The following NPLOC4 variants were observed in gnomAD, a reference collection of about 807,000 sequenced individuals.
The protein encoded by NPLOC4 is nuclear protein localization protein 4 homolog.
NPLOC4 carries 18 observed loss-of-function variants against 80.6 expected under a neutral mutation model. That is an observed-to-expected ratio of 0.22 (90% CI 0.15 to 0.33). The LOEUF is 0.33. Among genes scored for constraint, NPLOC4 ranks in the 10% least tolerant of loss-of-function variants. The probability of loss-of-function intolerance (pLI) is 1.00; values close to 1 mark genes in which losing one functional copy is unlikely to be tolerated. For synonymous variants in NPLOC4, 313 were observed against 301.5 expected (o/e 1.04, Z -0.39); for missense variants, 540 against 786.1 (o/e 0.69, Z 3.74).
At chr17:81,559,632 G>C (rs1038741582) in intron 16 of NPLOC4, among the ~76,000 whole-genome samples, 1 of 152,118 alleles carries the variant, frequency 6.6e-6, no homozygotes, top group South Asian at 2.1e-4. Flanking sequence ...GAGTAACAGG[G>C]AGCCTGTGCT....
At chr17:81,604,004 T>C (rs2035134639) in intron 8 of NPLOC4, among the ~76,000 whole-genome samples, 1 of 151,992 alleles carries the variant, frequency 6.6e-6, no homozygotes, top group Admixed American at 6.6e-5. Context: ...GAGAGGGCCT[T>C]CCAATGACTT....
At position 81,580,205 on chromosome 17, in the gene NPLOC4, C is replaced by T. The variant is rs1349109576; in HGVS notation, c.1282-8117G>A. Among the ~76,000 whole-genome samples the T allele has an allele frequency of 2.0e-5, 3 of 152,212 alleles. No homozygotes were observed. The highest frequency in any genetic ancestry group is 4.1e-4 in the South Asian group (2 of 4,832). ...ACCCCAACACCATCTGTACCATGTG[C>T]CTCTCCCAAGCAATGCGCTCACCCC... is the stretch of plus-strand genomic sequence containing the variant. On this transcript the variant is annotated intron_variant, in intron 12 of 16. Transcript: ENST00000331134. This position sits in a 1 kb window ranked among gnomAD's most constrained non-coding sequence, Gnocchi z 4.4.
At chr17:81,602,896 CACATACATACATATATATGTATATAT>C (rs2035096189) in intron 8 of NPLOC4, among the ~76,000 whole-genome samples, 1 of 151,140 alleles carries the variant, frequency 6.6e-6, no homozygotes, top group South Asian at 2.1e-4. Context: ...TATGTATATA[CACATACATACATATATATGTATATAT>C]ACACACACAC....
intron 12 of NPLOC4, among the ~76,000 whole-genome samples, chr17:81,578,263 A>G (rs577358360): frequency 5.4e-4 from 82 of 152,296 alleles, no homozygotes; most frequent in African/African-American, 1.9e-3. Context: ...CTCCAGGTAC[A>G]TAGCTTCAGC....
intron 9 of NPLOC4, among the ~76,000 whole-genome samples, chr17:81,597,972 G>A (rs1206560544): frequency 6.6e-6 from 1 of 151,004 alleles, no homozygotes; most frequent in Non-Finnish European, 1.5e-5. Flanking sequence ...GCGGGTGCCT[G>A]TAGTCCCAGC....
At chr17:81,629,672 TAAGAG>T in intron 2 of NPLOC4, 48 bp downstream of exon 2, 1 of 1,283,430 alleles carries the variant, frequency 7.8e-7, no homozygotes, top group Non-Finnish European at 1.1e-6. Flanking sequence ...TCGATGGCAG[TAAGAG>T]TAGAGGATGA....
At chr17:81,634,833 T>C (rs1000237825) in intron 1 of NPLOC4, among the ~76,000 whole-genome samples, 2 of 151,908 alleles carry the variant, frequency 1.3e-5, no homozygotes, top group Non-Finnish European at 2.9e-5. Flanking sequence ...TCCGCCCACC[T>C]CGGCCTCCCA....
At chr17:81,619,541 ACT>A (rs1353909392) in intron 3 of NPLOC4, among the ~76,000 whole-genome samples, 1 of 134,878 alleles carries the variant, frequency 7.4e-6, no homozygotes, top group Non-Finnish European at 1.6e-5. Flanking sequence ...CAAGAATGAA[ACT>A]CTGTCTCAAG....
At chr17:81,563,736 G>C in intron 16 of NPLOC4, 1 of 349,086 alleles carries the variant, frequency 2.9e-6, no homozygotes, top group Non-Finnish European at 5.6e-6. Context: ...GCAACACAGT[G>C]AGACCTCATT....
intron 3 of NPLOC4, among the ~76,000 whole-genome samples, chr17:81,613,802 C>T (rs534901399): frequency 1.5e-4 from 23 of 152,198 alleles, no homozygotes; most frequent in African/African-American, 4.1e-4. Context: ...GGTTTCAGGG[C>T]CTCTCCTCCC....
At chr17:81,617,782 C>T (rs1437431117) in intron 3 of NPLOC4, among the ~76,000 whole-genome samples, 1 of 151,812 alleles carries the variant, frequency 6.6e-6, no homozygotes, top group Admixed American at 6.6e-5. Flanking sequence ...CCTCAGCCTG[C>T]CGAGTGCCTG....
chr17:81,573,167 TAAC>T (rs936154379), intron 12 of NPLOC4, among the ~76,000 whole-genome samples: 1 of 152,218 alleles, frequency 6.6e-6, no homozygotes, highest in African/African-American at 2.4e-5. Flanking sequence ...AATCATCACT[TAAC>T]ATTATATAAA....
In NPLOC4 at chr17:81,558,763, A is replaced by C. The variant is rs546323074; in HGVS notation, c.*496T>G. On this transcript the variant is annotated 3_prime_UTR_variant, in exon 17 of 17. Coordinates refer to ENST00000331134, the MANE Select transcript of NPLOC4 (RefSeq NM_017921.4). ...GGCCACTGCGTCCCCACCAGACAAC[A>C]GCTACTAGAAGAGGAAAGTGGCCCT... The C allele has an allele frequency of 3.3e-5, 5 of 153,178 alleles. No individual in the cohort carries two copies. The highest frequency in any genetic ancestry group is 7.2e-5 in the African/African-American group (3 of 41,572). 9.5% of individuals were successfully genotyped at this position (153,178 alleles called of 1,614,324 possible).
intron 16 of NPLOC4, among the ~76,000 whole-genome samples, chr17:81,559,649 T>C (rs1422998019): frequency 1.3e-5 from 2 of 151,890 alleles, no homozygotes; most frequent in African/African-American, 2.4e-5. Context: ...TGCTTGCTGG[T>C]TCCTTTTTGT....
chr17:81,611,209 AC>A (rs1282162097), intron 4 of NPLOC4, among the ~76,000 whole-genome samples: 3 of 152,046 alleles, frequency 2.0e-5, no homozygotes, highest in Non-Finnish European at 4.4e-5. Context: ...AATGCCAGGA[AC>A]CAGGGAGGCT....
intron 3 of NPLOC4, among the ~76,000 whole-genome samples, chr17:81,621,579 G>C (rs897131629): frequency 3.3e-5 from 5 of 152,216 alleles, no homozygotes; most frequent in Non-Finnish European, 7.3e-5. Context: ...GTTCCGTAAA[G>C]GACCAGTCAA....
chr17:81,609,759 G>A (rs1021924012), intron 5 of NPLOC4, among the ~76,000 whole-genome samples: 2 of 152,140 alleles, frequency 1.3e-5, no homozygotes, highest in Non-Finnish European at 2.9e-5. Flanking sequence ...GAAGAAAATC[G>A]GGCTGGCCTT....
chr17:81,613,463 T>C lies in NPLOC4; in HGVS notation c.241A>G (p.Ser81Gly), dbSNP rs1400292984. 6.2e-7 allele frequency: 1 copy of C among 1,613,900 alleles called. No individual in the cohort carries two copies. The highest frequency in any genetic ancestry group is 8.5e-7 in the Non-Finnish European group (1 of 1,179,864). ...ATTTCAGATGAGGGCCCAGCAAGGC[T>C]CGAGGGAAACAGGAACAACAAATCG... ...HGDLLFLFPS[S>G]LAGPSSEMET... The change falls in exon 4 of 17, where the codon AGC (serine) becomes GGC (glycine). Residue 81 changes from serine to glycine, a missense_variant. Ser to Gly is a moderately conservative substitution (Grantham distance 56). Transcript: ENST00000331134.
chr17:81,622,332 A>G, intron 2 of NPLOC4, 54 bp from the exon 3 acceptor site: 2 of 1,263,088 alleles, frequency 1.6e-6, no homozygotes, highest in Non-Finnish European at 2.3e-6. Context: ...GTATCACTAC[A>G]CATACCATAC....
Sources: gnomAD v4.1 joint callset for allele counts (sites outside exome capture counted in the v4.1 genomes callset) on GRCh38, gnomAD v4.1.1 for gene constraint, Gnocchi (gnomAD v3.1) non-coding constraint, MANE v1.5 for transcripts, NCBI Gene and HGNC (gene_info 2026-07-23, HGNC 2026-07-21) for gene names.